Variants in THADA observed in about 807,000 individuals in gnomAD.
THADA encodes the protein tRNA (32-2'-O)-methyltransferase regulator THADA.
In THADA, 213 loss-of-function variants were observed where a neutral mutation model predicts 219.8. The observed-to-expected ratio is 0.97, with a 90% CI of 0.87 to 1.09. The LOEUF is 1.09. THADA is among the 50% of genes least tolerant of loss of function. The probability of loss-of-function intolerance (pLI) is 0.00; values close to 1 mark genes in which losing one functional copy is unlikely to be tolerated. For missense variants in THADA, 2,956 were observed against 2,311.3 expected (o/e 1.28, Z -5.72); for synonymous variants, 1,018 against 828.9 (o/e 1.23, Z -3.92).
At chr2:43,483,089 G>A (rs1381795730) in intron 26 of THADA, among the ~76,000 whole-genome samples, 1 of 152,122 alleles carries the variant, frequency 6.6e-6, no homozygotes, top group Admixed American at 6.5e-5. Context: ...AGTTCCCTCT[G>A]ACCAAGAACA....
In THADA at chr2:43,574,800, T is replaced by A; in HGVS notation, c.1265A>T (p.His422Leu). The change falls in exon 11 of 38, where the codon CAC (histidine) becomes CTC (leucine). Residue 422 changes from histidine (H) to leucine (L), a missense_variant. Physicochemically the swap from His to Leu is moderately conservative, Grantham distance 99. Coordinates refer to ENST00000405975, the MANE Select transcript of THADA (RefSeq NM_022065.5). ...ATCTGCACCTTCCACAGTGAGCCGGTGCATTTGGAGAAGGTTTTTGAACAT... is the reference window on the plus strand; with the variant it reads ...ATCTGCACCTTCCACAGTGAGCCGGAGCATTTGGAGAAGGTTTTTGAACAT... ...KIMFKNLLQM[H>L]RLTVEGADFV... 1 of 1,614,022 alleles carries A rather than the reference T, an allele frequency of 6.2e-7. No homozygotes were observed. The highest frequency in any genetic ancestry group is 8.5e-7 in the Non-Finnish European group (1 of 1,179,896).
At chr2:43,363,650 A>G (rs1669777307) in intron 29 of THADA, among the ~76,000 whole-genome samples, 1 of 152,354 alleles carries the variant, frequency 6.6e-6, no homozygotes, top group South Asian at 2.1e-4. Context: ...GACTGAGTTC[A>G]GCTTAGCATT....
At chr2:43,385,733 A>C (rs1335664744) in intron 29 of THADA, among the ~76,000 whole-genome samples, 1 of 152,074 alleles carries the variant, frequency 6.6e-6, no homozygotes, top group Non-Finnish European at 1.5e-5. Context: ...GAAGTTAATA[A>C]GAAAAAAGTG....
Position 43,577,138 on chromosome 2 carries a change from G to C in THADA, c.921C>G (p.Val307=), listed in dbSNP as rs770033016. Reference sequence around the variant, plus strand: ...CAAGTGTCCCCTGACAGAGGAATAAGACAGCTGACTGAGAGATGTCACCAC... The same window carrying C: ...CAAGTGTCCCCTGACAGAGGAATAACACAGCTGACTGAGAGATGTCACCAC... ...LCCGDISQSA[V]LFLCQGTLAM... The change falls in exon 10 of 38, where the codon GTC becomes GTG. Residue 307 remains valine (V), a synonymous_variant. Coordinates refer to ENST00000405975, the MANE Select transcript of THADA (RefSeq NM_022065.5). 6.2e-7 allele frequency: 1 copy of C among 1,612,190 alleles called. No homozygotes were observed. Among genetic ancestry groups the C allele is most frequent in the Non-Finnish European group, 8.5e-7 (1 of 1,179,226 alleles).
chr2:43,560,206 C>A, intron 16 of THADA, 28 bp downstream of exon 16: 1 of 1,587,916 alleles, frequency 6.3e-7, no homozygotes, highest in African/African-American at 1.4e-5. Flanking sequence ...ATGCATATAC[C>A]ACATTTATAC....
chr2:43,278,990 C>T (rs1044584837), intron 36 of THADA, among the ~76,000 whole-genome samples: 1 of 152,204 alleles, frequency 6.6e-6, no homozygotes, highest in African/African-American at 2.4e-5. Flanking sequence ...CAGCCCCAAG[C>T]ACAGAGAATC....
intron 21 of THADA, among the ~76,000 whole-genome samples, chr2:43,529,201 G>A (rs1044546108): frequency 6.6e-6 from 1 of 151,462 alleles, no homozygotes; most frequent in Non-Finnish European, 1.5e-5. Context: ...CACCCAGGCT[G>A]GAGTGCAGTG....
At chr2:43,390,921 C>G (rs1208515167) in intron 29 of THADA, among the ~76,000 whole-genome samples, 1 of 152,194 alleles carries the variant, frequency 6.6e-6, no homozygotes, top group African/African-American at 2.4e-5. Flanking sequence ...TGACAATATT[C>G]CTTTTCCTCA....
intron 26 of THADA, among the ~76,000 whole-genome samples, chr2:43,482,471 A>T (rs1343117554): frequency 1.3e-5 from 2 of 152,172 alleles, no homozygotes; most frequent in Admixed American, 6.5e-5. Context: ...TTAGTATTTT[A>T]AAAAAAGAAA....
At chr2:43,514,350 C>A (rs769259310) in intron 22 of THADA, among the ~76,000 whole-genome samples, 3 of 149,972 alleles carry the variant, frequency 2.0e-5, no homozygotes, top group Admixed American at 6.7e-5. Context: ...ACTTGGGAGG[C>A]TGAGGTGGGA....
chr2:43,338,625 G>A (rs1436643231), intron 30 of THADA, among the ~76,000 whole-genome samples: 2 of 152,098 alleles, frequency 1.3e-5, no homozygotes, highest in African/African-American at 4.8e-5. Context: ...GTCTTTTTGT[G>A]ATTGGCTTAT....
At chr2:43,445,072 C>A (rs991756488) in intron 26 of THADA, among the ~76,000 whole-genome samples, 3 of 152,082 alleles carry the variant, frequency 2.0e-5, no homozygotes, top group Non-Finnish European at 4.4e-5. Flanking sequence ...CGGAGCTATT[C>A]CCTAGATTCT....
chr2:43,468,351 G>A (rs1026201726), intron 26 of THADA, among the ~76,000 whole-genome samples: 3 of 152,172 alleles, frequency 2.0e-5, no homozygotes, highest in African/African-American at 7.2e-5. Flanking sequence ...ACAACGCTTT[G>A]AAACACTATA....
chr2:43,420,962 A>T (rs1257327366), intron 28 of THADA, among the ~76,000 whole-genome samples: 1 of 152,196 alleles, frequency 6.6e-6, no homozygotes, highest in Non-Finnish European at 1.5e-5. Flanking sequence ...CTGCCCAAAC[A>T]ATGTGATTTC....
At chr2:43,473,978 C>T (rs576039584) in intron 26 of THADA, among the ~76,000 whole-genome samples, 2 of 152,204 alleles carry the variant, frequency 1.3e-5, no homozygotes, top group African/African-American at 4.8e-5. Flanking sequence ...CACAAACATG[C>T]GACTAACACA....
At chr2:43,506,609 A>G (rs554421208) in intron 23 of THADA, among the ~76,000 whole-genome samples, 3 of 152,296 alleles carry the variant, frequency 2.0e-5, no homozygotes, top group Non-Finnish European at 4.4e-5. Context: ...ACTGCTAATG[A>G]GTATGGGAGG....
chr2:43,239,646 C>G (rs1668413546), intron 36 of THADA, among the ~76,000 whole-genome samples: 1 of 152,250 alleles, frequency 6.6e-6, no homozygotes, highest in Non-Finnish European at 1.5e-5. Flanking sequence ...GAGATGACTT[C>G]TAGACTAAGG....
chr2:43,588,702 T>C (rs912917248), intron 4 of THADA, among the ~76,000 whole-genome samples: 5 of 152,110 alleles, frequency 3.3e-5, no homozygotes, highest in African/African-American at 1.2e-4. Flanking sequence ...ATGTTGGAAA[T>C]ATATGAAGAA....
intron 35 of THADA, among the ~76,000 whole-genome samples, chr2:43,283,291 G>A (rs896259980): frequency 6.6e-6 from 1 of 152,210 alleles, no homozygotes; most frequent in African/African-American, 2.4e-5. Flanking sequence ...ATATAGGAGT[G>A]TGAGAATGGA....
Sources: gnomAD v4.1 joint callset for allele counts (sites outside exome capture counted in the v4.1 genomes callset) on GRCh38, gnomAD v4.1.1 for gene constraint, MANE v1.5 for transcripts, NCBI Gene and HGNC (gene_info 2026-07-23, HGNC 2026-07-21) for gene names.